Variants in SV2C observed in about 807,000 individuals in gnomAD.
The protein encoded by SV2C is synaptic vesicle glycoprotein 2C.
Under a neutral mutation model 79.7 loss-of-function variants are expected in SV2C, and 49 were observed. The observed-to-expected ratio is 0.61, with a 90% CI of 0.49 to 0.78. SV2C has a LOEUF of 0.78. SV2C is among the 30% of genes least tolerant of loss of function. The pLI, the probability that SV2C is intolerant of heterozygous loss-of-function variation, is 0.00. For missense variants in SV2C, 833 were observed against 912.9 expected, an observed-to-expected ratio of 0.91 and a Z score of 1.13; for synonymous variants, 334 against 333.2, an observed-to-expected ratio of 1.00 and a Z score of -0.03.
chr5:76,337,737 C>A (rs1749355606), downstream of SV2C, among the ~76,000 whole-genome samples: 1 of 152,132 alleles, frequency 6.6e-6, no homozygotes, highest in Non-Finnish European at 1.5e-5. Flanking sequence ...CTGGGGGAGA[C>A]CTCAGGGCAG....
chr5:75,881,785 T>G, the SV2C span, among the ~76,000 whole-genome samples: 1 of 150,132 alleles, frequency 6.7e-6, no homozygotes, highest in Non-Finnish European at 1.5e-5. Flanking sequence ...TGAATAGCCT[T>G]TATTTCCTTC....
chr5:76,302,362 T>C (rs1395540610), intron 12 of SV2C, among the ~76,000 whole-genome samples: 1 of 152,150 alleles, frequency 6.6e-6, no homozygotes, highest in African/African-American at 2.4e-5. Context: ...TAGTGGGACA[T>C]GCCTGTAATC....
At chr5:75,958,502 A>G in the SV2C span, among the ~76,000 whole-genome samples, 4 of 151,944 alleles carry the variant, frequency 2.6e-5, no homozygotes, top group Non-Finnish European at 5.9e-5. Flanking sequence ...ATTGCTTCTA[A>G]CAATAACAGA....
upstream of SV2C, chr5:76,078,793 G>A: frequency 3.4e-6 from 2 of 587,584 alleles, no homozygotes; most frequent in Non-Finnish European, 6.8e-6. Context: ...CACCTGGCAG[G>A]TTAATGGCTA....
the SV2C span, among the ~76,000 whole-genome samples, chr5:75,943,949 G>GT: frequency 2.6e-5 from 4 of 152,118 alleles, no homozygotes; most frequent in Non-Finnish European, 5.9e-5. Context: ...GTGTATCCAT[G>GT]TTTTTATACA....
intron 1 of SV2C, among the ~76,000 whole-genome samples, chr5:76,127,007 A>G (rs1315008831): frequency 1.3e-5 from 2 of 152,238 alleles, no homozygotes; most frequent in African/African-American, 2.4e-5. Context: ...CGGATTAGCC[A>G]TTATTATTGC....
the SV2C span, among the ~76,000 whole-genome samples, chr5:75,912,346 A>G: frequency 1.3e-5 from 2 of 152,098 alleles, no homozygotes; most frequent in African/African-American, 4.8e-5. Context: ...TACAAAAATT[A>G]GGTGGGTGTG....
chr5:75,914,239 C>G, the SV2C span, among the ~76,000 whole-genome samples: 1 of 152,182 alleles, frequency 6.6e-6, no homozygotes, highest in East Asian at 1.9e-4. Flanking sequence ...TAGCTGCCTT[C>G]CCCACACCTC....
At chr5:76,220,163 A>C (rs1367363510) in intron 4 of SV2C, among the ~76,000 whole-genome samples, 1 of 152,270 alleles carries the variant, frequency 6.6e-6, no homozygotes, top group African/African-American at 2.4e-5. Flanking sequence ...CGAAATAAAT[A>C]GGATTATAAA....
rs1358752035 is a variant in SV2C at position 76,285,302 on chromosome 5, C to G, written c.1047+7C>G. 1.2e-6 allele frequency: 2 copies of G among 1,613,406 alleles called. No homozygotes were observed. The highest frequency in any genetic ancestry group is 2.2e-5 in the East Asian group (1 of 44,894). On this transcript the variant is annotated splice_region_variant and intron_variant, in intron 5 of 12. Transcript: ENST00000502798. Reference sequence around the variant, plus strand: ...CCCACGATTCTTGTTGGAGGTAACACTTATTATTGCAGATACTCAGGTAGC... The same window carrying G: ...CCCACGATTCTTGTTGGAGGTAACAGTTATTATTGCAGATACTCAGGTAGC...
At chr5:76,003,501 T>C in the SV2C span, among the ~76,000 whole-genome samples, 8 of 152,190 alleles carry the variant, frequency 5.3e-5, no homozygotes, top group African/African-American at 1.9e-4. Flanking sequence ...GTATCCTCTG[T>C]TGCCACTTGA....
intron 2 of SV2C, among the ~76,000 whole-genome samples, chr5:76,189,101 G>A (rs1447110848): frequency 1.3e-5 from 2 of 152,068 alleles, no homozygotes; most frequent in South Asian, 2.1e-4. Flanking sequence ...TGACACAGGC[G>A]GAAGCTAGAA....
chr5:76,117,349 G>C (rs1748301400), intron 1 of SV2C, among the ~76,000 whole-genome samples: 1 of 152,162 alleles, frequency 6.6e-6, no homozygotes, highest in African/African-American at 2.4e-5. Flanking sequence ...ACTTCACTGA[G>C]TTACATAAAC....
chr5:76,286,857 C>T (rs1329585868), intron 6 of SV2C: 2 of 152,118 alleles, frequency 1.3e-5, no homozygotes, highest in Non-Finnish European at 2.9e-5. Flanking sequence ...CGTCAGAACT[C>T]ACTGACTGTC....
chr5:76,321,796 T>C (rs188991544), intron 12 of SV2C, among the ~76,000 whole-genome samples: 60 of 152,026 alleles, frequency 3.9e-4, no homozygotes, highest in Middle Eastern at 6.8e-3. Context: ...CACTTGTTCA[T>C]GTGTACTAAA....
intron 1 of SV2C, among the ~76,000 whole-genome samples, chr5:76,097,955 T>C (rs1747621569): frequency 6.6e-6 from 1 of 152,186 alleles, no homozygotes; most frequent in Admixed American, 6.5e-5. Flanking sequence ...ACCATAATTC[T>C]GCCTCTGAGG....
chr5:76,260,290 G>A (rs1044519639), intron 4 of SV2C, among the ~76,000 whole-genome samples: 2 of 152,048 alleles, frequency 1.3e-5, no homozygotes, highest in South Asian at 2.1e-4. Context: ...TGATGAGGTC[G>A]TTTATTTTTT....
At chr5:76,233,066 C>T (rs1745480392) in intron 4 of SV2C, among the ~76,000 whole-genome samples, 1 of 141,628 alleles carries the variant, frequency 7.1e-6, no homozygotes, top group African/African-American at 3.2e-5. Context: ...TCTTCCTACC[C>T]ATGAGCATGG....
At chr5:76,085,144 AT>A (rs1747141181) in intron 1 of SV2C, among the ~76,000 whole-genome samples, 1 of 152,102 alleles carries the variant, frequency 6.6e-6, no homozygotes, top group African/African-American at 2.4e-5. Context: ...GCGTTCACTC[AT>A]TTTCCATGGC....
Sources: allele counts gnomAD v4.1 joint callset (sites outside exome capture counted in the v4.1 genomes callset), GRCh38; gene constraint gnomAD v4.1.1; transcripts MANE v1.5; gene names NCBI Gene and HGNC (gene_info 2026-07-23, HGNC 2026-07-21).